Variants in KDM4C observed in about 807,000 individuals in gnomAD.
KDM4C encodes the protein lysine-specific demethylase 4C.
KDM4C carries 81 observed loss-of-function variants against 129.3 expected under a neutral mutation model. That is an observed-to-expected ratio of 0.63 (90% CI 0.52 to 0.75). The LOEUF (loss-of-function observed/expected upper bound fraction) is 0.75, where lower values mean the gene tolerates loss of function less well. Among genes scored for constraint, KDM4C ranks in the 30% least tolerant of loss-of-function variants. The probability of loss-of-function intolerance (pLI) is 0.00; values close to 1 mark genes in which losing one functional copy is unlikely to be tolerated. For missense variants in KDM4C, 1,457 were observed against 1,304.0 expected (o/e 1.12, Z -1.81); for synonymous variants, 573 against 456.1 (o/e 1.26, Z -3.26).
At chr9:6,798,731 G>A (rs1305292074) in intron 2 of KDM4C, among the ~76,000 whole-genome samples, 1 of 152,176 alleles carries the variant, frequency 6.6e-6, no homozygotes, top group Non-Finnish European at 1.5e-5. Context: ...TGTCATCATG[G>A]CCCGTTCTCA....
chr9:7,121,777 A>G (rs1564144756), intron 18 of KDM4C, among the ~76,000 whole-genome samples: 1 of 152,088 alleles, frequency 6.6e-6, no homozygotes, highest in Non-Finnish European at 1.5e-5. Context: ...AGTATCTAGA[A>G]CAATACCTTC....
chr9:6,832,539 C>T (rs1415987289), intron 4 of KDM4C, among the ~76,000 whole-genome samples: 1 of 146,000 alleles, frequency 6.8e-6, no homozygotes, highest in Non-Finnish European at 1.5e-5. Context: ...CATTCTCCTG[C>T]CTCAGCCTCC....
At chr9:7,083,241 G>C (rs7026804) in intron 17 of KDM4C, among the ~76,000 whole-genome samples, 26,762 of 152,158 alleles carry the variant, frequency 0.18, 4,192 homozygotes, top group African/African-American at 0.42. Context: ...TATACTTACT[G>C]GTTGATTGTT....
At chr9:6,888,136 T>A in intron 7 of KDM4C, 73 bp downstream of exon 7, 1 of 711,524 alleles carries the variant, frequency 1.4e-6, no homozygotes, top group Non-Finnish European at 2.3e-6. Context: ...AATGTATCTT[T>A]AACTTCCAGT....
chr9:6,740,716 A>G (rs1045694102), intron 1 of KDM4C, among the ~76,000 whole-genome samples: 2 of 146,590 alleles, frequency 1.4e-5, no homozygotes, highest in Non-Finnish European at 3.0e-5. Flanking sequence ...ATGGGGATTC[A>G]CTATGTTGGC....
intron 15 of KDM4C, among the ~76,000 whole-genome samples, chr9:7,022,910 G>A (rs10975984): frequency 0.38 from 57,495 of 151,854 alleles, 11,187 homozygotes; most frequent in South Asian, 0.52. Context: ...GTGATCATAC[G>A]GTTTTTGTTC....
At chr9:6,949,275 C>T (rs1228775555) in intron 8 of KDM4C, among the ~76,000 whole-genome samples, 1 of 151,886 alleles carries the variant, frequency 6.6e-6, no homozygotes, top group Non-Finnish European at 1.5e-5. Context: ...AGGCGCTCCT[C>T]ACATCCCAGA....
chr9:6,856,752 T>A (rs1335607947), intron 5 of KDM4C, among the ~76,000 whole-genome samples: 2 of 145,404 alleles, frequency 1.4e-5, no homozygotes, highest in African/African-American at 5.0e-5. Flanking sequence ...TTTGTATTTT[T>A]TTTTTTTTTT....
intron 4 of KDM4C, among the ~76,000 whole-genome samples, chr9:6,840,683 C>G (rs1836757779): frequency 6.6e-6 from 1 of 152,238 alleles, no homozygotes; most frequent in African/African-American, 2.4e-5. Flanking sequence ...AGGCATGAGC[C>G]ACCGCATCCA....
At chr9:6,852,806 C>T (rs1332795130) in intron 5 of KDM4C, among the ~76,000 whole-genome samples, 1 of 152,180 alleles carries the variant, frequency 6.6e-6, no homozygotes, top group African/African-American at 2.4e-5. Context: ...TCCCTCCTTA[C>T]TTACGGGCCC....
intron 4 of KDM4C, among the ~76,000 whole-genome samples, chr9:6,817,195 G>GCC (rs35527694): frequency 0.013 from 717 of 53,226 alleles, 15 homozygotes; most frequent in South Asian, 0.023. Flanking sequence ...CCCTCCCCCT[G>GCC]CCCCCCCCCC....
At chr9:7,069,913 A>C (rs1832963739) in intron 17 of KDM4C, among the ~76,000 whole-genome samples, 1 of 152,262 alleles carries the variant, frequency 6.6e-6, no homozygotes, top group Non-Finnish European at 1.5e-5. Context: ...CTACAATATT[A>C]TTTGAAGATA....
intron 12 of KDM4C, among the ~76,000 whole-genome samples, chr9:6,996,308 T>A (rs944327952): frequency 6.6e-6 from 1 of 152,232 alleles, no homozygotes; most frequent in African/African-American, 2.4e-5. Context: ...TGCATTGACA[T>A]CAGTATCTGA....
chr9:7,034,176 C>T (rs181180472), intron 15 of KDM4C, among the ~76,000 whole-genome samples: 8 of 152,138 alleles, frequency 5.3e-5, no homozygotes, highest in Non-Finnish European at 7.4e-5. Context: ...TTAACATATC[C>T]GTCATCTCAA....
intron 8 of KDM4C, among the ~76,000 whole-genome samples, chr9:6,942,896 T>G (rs1358822174): frequency 6.6e-6 from 1 of 152,086 alleles, no homozygotes; most frequent in Non-Finnish European, 1.5e-5. Flanking sequence ...TGAGACGGCT[T>G]TACTCTGTCA....
intron 8 of KDM4C, among the ~76,000 whole-genome samples, chr9:6,944,732 C>A (rs1416087102): frequency 3.2e-5 from 4 of 126,168 alleles, no homozygotes; most frequent in Non-Finnish European, 6.2e-5. Flanking sequence ...TTAGGAAGAG[C>A]TTGTTAGTAG....
rs1349071761 is a variant in KDM4C at position 6,768,357 on chromosome 9, CT to C, written c.-18+10155del. ...ACAGGATTTTTTTTTTTTTTTTAAC[CT>C]GCTGGGCTTCCCTTTTAGGGAATTT... On this transcript the variant is annotated intron_variant, in intron 1 of 21. Coordinates refer to ENST00000381309, the MANE Select transcript of KDM4C (RefSeq NM_015061.6). 2.7e-5 allele frequency among the ~76,000 whole-genome samples: 4 copies of C among 150,722 alleles called. No individual in the cohort carries two copies. The East Asian group carries it at 7.7e-4, about 29-fold the overall frequency.
intron 4 of KDM4C, among the ~76,000 whole-genome samples, chr9:6,841,501 A>G (rs981204041): frequency 1.3e-5 from 2 of 152,210 alleles, no homozygotes; most frequent in Non-Finnish European, 2.9e-5. Flanking sequence ...AGTACCATAA[A>G]AATATGATTA....
intron 8 of KDM4C, among the ~76,000 whole-genome samples, chr9:6,914,794 G>A (rs1820006472): frequency 6.6e-6 from 1 of 152,324 alleles, no homozygotes; most frequent in South Asian, 2.1e-4. Flanking sequence ...CAGAAACAAG[G>A]CACCATCTTT....
Sources: gnomAD v4.1 joint callset for allele counts (sites outside exome capture counted in the v4.1 genomes callset) on GRCh38, gnomAD v4.1.1 for gene constraint, MANE v1.5 for transcripts, NCBI Gene and HGNC (gene_info 2026-07-23, HGNC 2026-07-21) for gene names.